Variants in DTNBP1 observed in about 807,000 individuals in gnomAD.
DTNBP1 encodes the protein dysbindin.
DTNBP1 carries 35 observed loss-of-function variants against 42.8 expected under a neutral mutation model. That is an observed-to-expected ratio of 0.82 (90% CI 0.63 to 1.09). DTNBP1 has a LOEUF of 1.09. Among genes scored for constraint, DTNBP1 ranks in the 50% least tolerant of loss-of-function variants. The pLI is 0.00. For synonymous variants in DTNBP1, 171 were observed against 162.2 expected (o/e 1.05, Z -0.41); for missense variants, 457 against 424.2 (o/e 1.08, Z -0.68).
rs529767498 is a variant in DTNBP1 at position 15,522,887 on chromosome 6, T to G, written c.*88A>C. On this transcript the variant is annotated 3_prime_UTR_variant, in exon 10 of 10. Transcript: ENST00000344537. ...GGCAATTATGTAAAAATCAAGAACCTCTATAAAACAACCTGGCTTTCCAGG... is the reference window on the plus strand; with the variant it reads ...GGCAATTATGTAAAAATCAAGAACCGCTATAAAACAACCTGGCTTTCCAGG... The G allele has an allele frequency of 6.2e-7, 1 of 1,609,566 alleles. No homozygotes were observed. Among genetic ancestry groups the G allele is most frequent in the East Asian group, 2.2e-5 (1 of 44,854 alleles).
chr6:15,591,975 T>C (rs1278523841), intron 7 of DTNBP1, among the ~76,000 whole-genome samples: 4 of 152,224 alleles, frequency 2.6e-5, no homozygotes, highest in Non-Finnish European at 5.9e-5. Context: ...TGACAACACA[T>C]TGTATCACAT....
intron 7 of DTNBP1, among the ~76,000 whole-genome samples, chr6:15,538,966 A>T (rs1457261186): frequency 2.0e-5 from 3 of 152,212 alleles, no homozygotes; most frequent in Non-Finnish European, 4.4e-5. Context: ...ATGGTGAATG[A>T]GGTCCGTTAT....
chr6:15,637,434 C>T (rs1028351546), intron 4 of DTNBP1, among the ~76,000 whole-genome samples: 1 of 152,104 alleles, frequency 6.6e-6, no homozygotes, highest in African/African-American at 2.4e-5. Context: ...AAAGAGATGT[C>T]TTATAATTTA....
chr6:15,645,292 A>G (rs1760610639), intron 3 of DTNBP1, among the ~76,000 whole-genome samples: 2 of 151,684 alleles, frequency 1.3e-5, no homozygotes, highest in African/African-American at 4.8e-5. Context: ...AATAATAATA[A>G]TAAAAAAAAT....
intron 7 of DTNBP1, among the ~76,000 whole-genome samples, chr6:15,553,593 G>GTTTTTT (rs1168459056): frequency 7.0e-5 from 1 of 14,266 alleles, no homozygotes; most frequent in South Asian, 5.2e-3. Context: ...TGACAAGTGA[G>GTTTTTT]CTTTTTTTTT....
intron 7 of DTNBP1, among the ~76,000 whole-genome samples, chr6:15,566,849 C>T (rs1360478567): frequency 2.0e-5 from 3 of 152,008 alleles, no homozygotes; most frequent in East Asian, 1.9e-4. Context: ...TATAGGCACC[C>T]ACCATCCTGC....
chr6:15,661,343 G>C (rs762611922), intron 1 of DTNBP1, among the ~76,000 whole-genome samples: 2 of 113,282 alleles, frequency 1.8e-5, no homozygotes, highest in African/African-American at 3.4e-5. Context: ...AACAGAGCGA[G>C]AACTTGTCAC....
intron 8 of DTNBP1, among the ~76,000 whole-genome samples, chr6:15,528,170 T>C (rs896327209): frequency 6.6e-6 from 1 of 152,174 alleles, no homozygotes; most frequent in African/African-American, 2.4e-5. Flanking sequence ...AGAAGAGTCA[T>C]GGCAACTATG....
chr6:15,566,663 C>T (rs1561963368), intron 7 of DTNBP1, among the ~76,000 whole-genome samples: 2 of 150,352 alleles, frequency 1.3e-5, no homozygotes, highest in Non-Finnish European at 1.5e-5. Flanking sequence ...TGCAAAGCTA[C>T]CTTTTGTGGG....
intron 1 of DTNBP1, among the ~76,000 whole-genome samples, chr6:15,661,755 T>C (rs1562021010): frequency 6.6e-6 from 1 of 152,228 alleles, no homozygotes; most frequent in South Asian, 2.1e-4. Flanking sequence ...AAGATCCTTT[T>C]CAAAGACAGA....
chr6:15,611,131 T>C (rs1046800343), intron 6 of DTNBP1, among the ~76,000 whole-genome samples: 1 of 152,194 alleles, frequency 6.6e-6, no homozygotes, highest in African/African-American at 2.4e-5. Context: ...CTAATACAAC[T>C]GGTGACTTTT....
intron 9 of DTNBP1, 125 bp from the exon 10 acceptor site, chr6:15,523,344 G>T: frequency 7.2e-7 from 1 of 1,396,370 alleles, no homozygotes; most frequent in Non-Finnish European, 9.9e-7. Flanking sequence ...AGGCACCTGG[G>T]GCCTGCAGAA....
chr6:15,584,593 C>A (rs1462096670), intron 7 of DTNBP1, among the ~76,000 whole-genome samples: 1 of 151,266 alleles, frequency 6.6e-6, no homozygotes, highest in East Asian at 1.9e-4. Flanking sequence ...CATACACAGG[C>A]GTGAGAGAGG....
intron 7 of DTNBP1, among the ~76,000 whole-genome samples, chr6:15,567,711 C>G (rs1775157814): frequency 6.6e-6 from 1 of 152,160 alleles, no homozygotes; most frequent in African/African-American, 2.4e-5. Context: ...AAGCTGTAAG[C>G]CAACCACTTT....
intron 7 of DTNBP1, among the ~76,000 whole-genome samples, chr6:15,548,664 A>C (rs1378150295): frequency 6.6e-6 from 1 of 152,212 alleles, no homozygotes; most frequent in Non-Finnish European, 1.5e-5. Flanking sequence ...GGTTATAGTG[A>C]TTTAAATTGG....
chr6:15,545,948 G>A, intron 7 of DTNBP1: 1 of 381,702 alleles, frequency 2.6e-6, no homozygotes, highest in African/African-American at 2.1e-5. Flanking sequence ...GCCAGCTCAG[G>A]CAGGCGGGTC....
At chr6:15,633,317 G>A (rs1358237471) in intron 4 of DTNBP1, among the ~76,000 whole-genome samples, 1 of 152,148 alleles carries the variant, frequency 6.6e-6, no homozygotes, top group Admixed American at 6.5e-5. Flanking sequence ...TCCTTCAATT[G>A]ATCTGAGCAA....
At chr6:15,641,615 T>C (rs1760357858) in intron 3 of DTNBP1, among the ~76,000 whole-genome samples, 1 of 152,284 alleles carries the variant, frequency 6.6e-6, no homozygotes, top group African/African-American at 2.4e-5. Flanking sequence ...CGTGTGTACA[T>C]GCGTGTCCAC....
intron 7 of DTNBP1, among the ~76,000 whole-genome samples, chr6:15,569,488 T>C (rs1775249220): frequency 6.6e-6 from 1 of 151,608 alleles, no homozygotes; most frequent in Non-Finnish European, 1.5e-5. Flanking sequence ...CCCCTTAAAA[T>C]CTCTAGACCC....
Sources: gnomAD v4.1 joint callset for allele counts (sites outside exome capture counted in the v4.1 genomes callset) on GRCh38, gnomAD v4.1.1 for gene constraint, MANE v1.5 for transcripts, NCBI Gene and HGNC (gene_info 2026-07-23, HGNC 2026-07-21) for gene names.